SHROOM4: variants seen among roughly 807,000 people sequenced by gnomAD.
SHROOM4 encodes the protein shroom family member 4.
In SHROOM4, 17 loss-of-function variants were observed where a neutral mutation model predicts 80.3. The ratio of observed to expected loss-of-function variants is 0.21; its 90% CI spans 0.14 to 0.32. The LOEUF is 0.32. SHROOM4 is among the 10% of genes least tolerant of loss of function. SHROOM4 has a pLI of 1.00. For missense variants in SHROOM4, 993 were observed against 1,140.3 expected (o/e 0.87, Z 1.86); for synonymous variants, 400 against 437.5 (o/e 0.91, Z 1.07).
intron 2 of SHROOM4, among the ~76,000 whole-genome samples, chrX:50,654,454 CAATAT>C (rs1341063964): frequency 5.4e-5 from 6 of 111,473 alleles, no homozygotes; most frequent in African/African-American, 2.0e-4. Context: ...TTATAATATA[CAATAT>C]ATTTTTTCAT....
rs186860837 is a variant in SHROOM4, at chrX:50,685,648, C to G, written c.269+10138G>C. ...GACTGGTAAGAAGAAGCTGCTGGTT[C>G]TAGTCTAGTCTACCTCTGTCGCTGT... On this transcript the variant is annotated intron_variant, in intron 2 of 8. Coordinates refer to ENST00000376020, the MANE Select transcript of SHROOM4 (RefSeq NM_020717.5). 2.5e-4 allele frequency among the ~76,000 whole-genome samples: 28 copies of G among 112,043 alleles called. No individual in the cohort carries two copies. In the East Asian group the frequency reaches 7.1e-3, roughly 28 times the overall value.
chrX:50,733,722 T>G (rs1394953909), intron 1 of SHROOM4, among the ~76,000 whole-genome samples: 1 of 112,286 alleles, frequency 8.9e-6, no homozygotes, highest in African/African-American at 3.2e-5. Flanking sequence ...ATGATAAGAA[T>G]GTCCACTTTC....
chrX:50,718,688 TG>T (rs1557265152), intron 1 of SHROOM4, among the ~76,000 whole-genome samples: 3 of 111,534 alleles, frequency 2.7e-5, no homozygotes, highest in African/African-American at 9.8e-5. Context: ...TGGGCTAGAT[TG>T]GGGCACCATG....
At chrX:50,577,749 G>A in the SHROOM4 span, among the ~76,000 whole-genome samples, 5 of 111,786 alleles carry the variant, frequency 4.5e-5, no homozygotes, top group Admixed American at 2.9e-4. Flanking sequence ...TATGGAGGGT[G>A]TATCAGAGTA....
chrX:50,689,300 G>C (rs1054866368), intron 2 of SHROOM4, among the ~76,000 whole-genome samples: 7 of 111,801 alleles, frequency 6.3e-5, no homozygotes, highest in Non-Finnish European at 1.1e-4. Flanking sequence ...ATCCCTGCTT[G>C]TCTGAGCTTC....
At chrX:50,609,940 T>C (rs1395474734) in intron 5 of SHROOM4, among the ~76,000 whole-genome samples, 11 of 110,863 alleles carry the variant, frequency 9.9e-5, no homozygotes, top group African/African-American at 3.0e-4. Context: ...CCTCAGAGTA[T>C]AAAGAGTTAA....
intron 1 of SHROOM4, among the ~76,000 whole-genome samples, chrX:50,772,807 C>T (rs1935425471): frequency 9.0e-6 from 1 of 111,688 alleles, no homozygotes; most frequent in African/African-American, 3.3e-5. Flanking sequence ...CATTGAATAC[C>T]TATCATATGC....
chrX:50,775,170 C>T (rs1415648025), intron 1 of SHROOM4, among the ~76,000 whole-genome samples: 7 of 111,476 alleles, frequency 6.3e-5, no homozygotes, highest in African/African-American at 2.3e-4. Context: ...TGAGTTTAGA[C>T]AGCAGATACC....
intron 1 of SHROOM4, among the ~76,000 whole-genome samples, chrX:50,722,484 C>T (rs1934138661): frequency 1.8e-5 from 2 of 110,904 alleles, no homozygotes; most frequent in African/African-American, 6.6e-5. Context: ...AAGGTGTGGA[C>T]TCTCCCTTTA....
At chrX:50,680,503 T>G (rs782678784) in intron 2 of SHROOM4, among the ~76,000 whole-genome samples, 2 of 111,395 alleles carry the variant, frequency 1.8e-5, no homozygotes, top group South Asian at 7.6e-4. Context: ...TCCCTCTCTC[T>G]CTAGACATAT....
chrX:50,813,877 T>A (rs1936401970), intron 1 of SHROOM4, 25 bp downstream of exon 1: 1 of 1,103,871 alleles, frequency 9.1e-7, no homozygotes, highest in Non-Finnish European at 1.3e-6. Context: ...TAGGCGCCGT[T>A]AGGACATCAG....
rs181211756 is a variant in SHROOM4 at position 50,738,960 on chromosome X, G to A, written c.118-43023C>T. On this transcript the variant is annotated intron_variant, in intron 1 of 8. Transcript: ENST00000376020. ...GCAAGGCTACAGTAACCAAAACAGC[G>A]TGGTACTGCTACCAAAACAGAGATA... 2.0e-3 allele frequency among the ~76,000 whole-genome samples: 220 copies of A among 111,614 alleles called. 1 individual carries two copies. The highest frequency in any genetic ancestry group is 6.3e-3 in the African/African-American group (194 of 30,714).
At chrX:50,755,742 G>A (rs782807302) in intron 1 of SHROOM4, among the ~76,000 whole-genome samples, 1 of 111,789 alleles carries the variant, frequency 8.9e-6, no homozygotes, top group Non-Finnish European at 1.9e-5. Flanking sequence ...GAATGAGAAA[G>A]TTCTGGAAGG....
chrX:50,596,610 A>C lies in SHROOM4; in HGVS notation c.*85T>G. On this transcript the variant is annotated 3_prime_UTR_variant, in exon 9 of 9. Transcript: ENST00000376020. ...TGGAACAAACTGCTAATTGCTATCTACTTGCTGAGAAACTGCTAACAAAGA... is the reference window on the plus strand; with the variant it reads ...TGGAACAAACTGCTAATTGCTATCTCCTTGCTGAGAAACTGCTAACAAAGA... The C allele has an allele frequency of 8.7e-7, 1 of 1,143,208 alleles. No individual in the cohort carries two copies. The highest frequency in any genetic ancestry group is 3.0e-5 in the East Asian group (1 of 33,534). 94.2% of individuals were successfully genotyped at this position (1,143,208 alleles called of 1,213,427 possible).
At chrX:50,666,391 A>T (rs976250317) in intron 2 of SHROOM4, among the ~76,000 whole-genome samples, 3 of 111,475 alleles carry the variant, frequency 2.7e-5, no homozygotes, top group Non-Finnish European at 3.8e-5. Context: ...GTGGCGTGAA[A>T]GGGGCCTCTA....
At chrX:50,808,151 A>G (rs868911128) in intron 1 of SHROOM4, among the ~76,000 whole-genome samples, 13 of 111,637 alleles carry the variant, frequency 1.2e-4, no homozygotes, top group Non-Finnish European at 1.9e-4. Flanking sequence ...ATGATATAAT[A>G]TTTGCCTTCA....
intron 1 of SHROOM4, among the ~76,000 whole-genome samples, chrX:50,749,052 A>T (rs1460447655): frequency 9.0e-6 from 1 of 111,290 alleles, no homozygotes; most frequent in Admixed American, 9.5e-5. Context: ...CTCTACAAAA[A>T]ATCCAAAAAA....
chrX:50,717,933 G>C (rs1440428349), intron 1 of SHROOM4, among the ~76,000 whole-genome samples: 1 of 111,868 alleles, frequency 8.9e-6, no homozygotes, highest in Non-Finnish European at 1.9e-5. Context: ...TCCCTTCCAA[G>C]GACACTGGAA....
chrX:50,740,609 CAGACATGTAT>C (rs1934631696), intron 1 of SHROOM4, among the ~76,000 whole-genome samples: 1 of 111,602 alleles, frequency 9.0e-6, no homozygotes, highest in African/African-American at 3.3e-5. Context: ...TCAGACCTGA[CAGACATGTAT>C]AGAGCACCTT....
Sources: gnomAD v4.1 joint callset for allele counts (sites outside exome capture counted in the v4.1 genomes callset) on GRCh38, gnomAD v4.1.1 for gene constraint, MANE v1.5 for transcripts, NCBI Gene and HGNC (gene_info 2026-07-23, HGNC 2026-07-21) for gene names.